ROBO1: variants seen among roughly 807,000 people sequenced by gnomAD.
The protein encoded by ROBO1 is roundabout guidance receptor 1.
Under a neutral mutation model 195.9 loss-of-function variants are expected in ROBO1, and 149 were observed. The ratio of observed to expected loss-of-function variants is 0.76; its 90% CI spans 0.67 to 0.87. The LOEUF is 0.87. Ranked by LOEUF, ROBO1 falls within the 40% of genes least tolerant of loss-of-function variation. ROBO1 has a pLI of 0.00. For missense variants in ROBO1, 1,933 were observed against 2,068.3 expected (o/e 0.93, Z 1.27); for synonymous variants, 816 against 733.2 (o/e 1.11, Z -1.82).
At chr3:78,711,727 G>A (rs1447104843) in intron 8 of ROBO1, among the ~76,000 whole-genome samples, 2 of 150,984 alleles carry the variant, frequency 1.3e-5, no homozygotes, top group African/African-American at 4.9e-5. Context: ...TACCTCAGGT[G>A]ATCTGACCAC....
chr3:78,666,071 G>A (rs1239988272), intron 14 of ROBO1, among the ~76,000 whole-genome samples: 6 of 152,042 alleles, frequency 3.9e-5, no homozygotes, highest in Non-Finnish European at 5.9e-5. Context: ...CAGGAGACCC[G>A]ATGGTTTTAT....
chr3:78,674,622 G>A (rs1708282936), intron 10 of ROBO1, among the ~76,000 whole-genome samples: 1 of 152,154 alleles, frequency 6.6e-6, no homozygotes, highest in Admixed American at 6.6e-5. Flanking sequence ...TGGCTAGTAG[G>A]GAAGAATCCC....
At chr3:79,302,694 T>G (rs1282056756) in intron 2 of ROBO1, among the ~76,000 whole-genome samples, 1 of 152,218 alleles carries the variant, frequency 6.6e-6, no homozygotes, top group Middle Eastern at 3.2e-3. Flanking sequence ...TCCGTGTTCT[T>G]TGAATTTTAA....
At chr3:79,477,939 T>C (rs1938627625) in intron 2 of ROBO1, among the ~76,000 whole-genome samples, 1 of 152,186 alleles carries the variant, frequency 6.6e-6, no homozygotes, top group African/African-American at 2.4e-5. Context: ...AATCAATCTA[T>C]ATTAAATTAT....
chr3:78,811,575 T>C (rs1261236846), intron 4 of ROBO1, among the ~76,000 whole-genome samples: 1 of 152,152 alleles, frequency 6.6e-6, no homozygotes, highest in Admixed American at 6.6e-5. Flanking sequence ...ATGTTTTCGT[T>C]TGATGAGCAC....
At chr3:79,020,991 A>G (rs1335110291) in intron 3 of ROBO1, among the ~76,000 whole-genome samples, 1 of 152,190 alleles carries the variant, frequency 6.6e-6, no homozygotes, top group African/African-American at 2.4e-5. Context: ...ATTTAAAAGC[A>G]AATTGTACAT....
chr3:79,435,082 A>C (rs907452558), intron 2 of ROBO1, among the ~76,000 whole-genome samples: 11 of 151,684 alleles, frequency 7.3e-5, no homozygotes, highest in African/African-American at 2.4e-4. Flanking sequence ...GGGAGGAGGG[A>C]GGGATAGCAT....
intron 2 of ROBO1, among the ~76,000 whole-genome samples, chr3:79,127,837 G>T (rs1213158254): frequency 1.3e-5 from 2 of 152,076 alleles, no homozygotes; most frequent in East Asian, 3.9e-4. Flanking sequence ...CACCTTTCTG[G>T]CCCCTTCTTA....
chr3:79,750,862 G>A (rs1045181854), intron 1 of ROBO1, among the ~76,000 whole-genome samples: 2 of 152,112 alleles, frequency 1.3e-5, no homozygotes, highest in African/African-American at 4.8e-5. Flanking sequence ...TTCTCTGATT[G>A]TTTCAGGTGA....
chr3:79,373,528 C>T (rs1032595649), intron 2 of ROBO1, among the ~76,000 whole-genome samples: 2 of 152,108 alleles, frequency 1.3e-5, no homozygotes, highest in African/African-American at 2.4e-5. Context: ...AGCTGTGCTC[C>T]TCAGATACAC....
At position 79,170,607 on chromosome 3, in the gene ROBO1, A is replaced by T. The variant is rs538136073; in HGVS notation, c.89-45068T>A. ...CCTTGTCTAAACTAAGGCAATACAA[A>T]TTTTTGTAAATTTGCTGTAAATCTA... On this transcript the variant is annotated intron_variant, in intron 2 of 30. Transcript: ENST00000464233. Among the ~76,000 whole-genome samples, 14 of 152,250 alleles carry T rather than the reference A, an allele frequency of 9.2e-5. No individual in the cohort carries two copies. In the East Asian group the frequency reaches 2.7e-3, roughly 29 times the overall value.
chr3:79,670,375 C>T (rs369430886), intron 1 of ROBO1, among the ~76,000 whole-genome samples: 21 of 151,310 alleles, frequency 1.4e-4, no homozygotes, highest in African/African-American at 2.2e-4. Context: ...TATGAAATTG[C>T]GCAACAGCAT....
At chr3:78,811,677 C>T (rs2084745690) in intron 4 of ROBO1, among the ~76,000 whole-genome samples, 1 of 152,148 alleles carries the variant, frequency 6.6e-6, no homozygotes, top group Admixed American at 6.6e-5. Flanking sequence ...GAATCAATCT[C>T]AGTTCCCTAA....
At chr3:78,831,206 C>T (rs943799307) in intron 4 of ROBO1, among the ~76,000 whole-genome samples, 3 of 152,022 alleles carry the variant, frequency 2.0e-5, no homozygotes, top group Non-Finnish European at 2.9e-5. Flanking sequence ...CCACCATGCC[C>T]GGCCGGTAAC....
intron 1 of ROBO1, among the ~76,000 whole-genome samples, chr3:79,757,473 C>T (rs1420833227): frequency 1.3e-5 from 2 of 149,236 alleles, no homozygotes; most frequent in African/African-American, 5.1e-5. Context: ...AATACTTGCT[C>T]TCTCTTTCTT....
chr3:78,599,225 C>G, intron 30 of ROBO1, among the ~76,000 whole-genome samples: 1 of 151,692 alleles, frequency 6.6e-6, no homozygotes, highest in Non-Finnish European at 1.5e-5. Context: ...AGCCCCAAGT[C>G]AACATTACAA....
chr3:79,443,974 T>C (rs1433949841), intron 2 of ROBO1, among the ~76,000 whole-genome samples: 1 of 146,790 alleles, frequency 6.8e-6, no homozygotes, highest in South Asian at 2.1e-4. Context: ...GGAGTGCACA[T>C]GAAAAGAAAA....
chr3:79,129,368 C>A (rs2080279667), intron 2 of ROBO1, among the ~76,000 whole-genome samples: 2 of 151,834 alleles, frequency 1.3e-5, no homozygotes, highest in South Asian at 4.1e-4. Flanking sequence ...CTTAAACTTA[C>A]AATATATAAG....
chr3:78,666,353 C>T (rs1707735451), intron 14 of ROBO1, among the ~76,000 whole-genome samples: 1 of 152,188 alleles, frequency 6.6e-6, no homozygotes, highest in Admixed American at 6.5e-5. Context: ...AATGAATGTT[C>T]AGACAGAATG....
Sources: gnomAD v4.1 joint callset for allele counts (sites outside exome capture counted in the v4.1 genomes callset) on GRCh38, gnomAD v4.1.1 for gene constraint, MANE v1.5 for transcripts, NCBI Gene and HGNC (gene_info 2026-07-23, HGNC 2026-07-21) for gene names.